The following CIP2A variants were observed in gnomAD, a reference collection of about 807,000 sequenced individuals.
CIP2A encodes cellular inhibitor of PP2A.
CIP2A carries 103 observed loss-of-function variants against 110.9 expected under a neutral mutation model. That is an observed-to-expected ratio of 0.93 (90% CI 0.79 to 1.09). The LOEUF (loss-of-function observed/expected upper bound fraction) is 1.09. Ranked by LOEUF, CIP2A falls within the 50% of genes least tolerant of loss-of-function variation. The pLI, the probability that CIP2A is intolerant of heterozygous loss-of-function variation, is 0.00. For missense variants in CIP2A, 1,088 were observed against 1,038.4 expected (o/e 1.05, Z -0.66); for synonymous variants, 381 against 361.6 (o/e 1.05, Z -0.61).
intron 5 of CIP2A, 100 bp downstream of exon 5, chr3:108,581,315 C>A: frequency 1.2e-6 from 1 of 807,736 alleles, no homozygotes; most frequent in South Asian, 1.8e-5. Context: ...ACACAGAATC[C>A]TTGTTCAAAT....
intron 5 of CIP2A, 100 bp from the exon 6 acceptor site, chr3:108,579,788 T>A: frequency 3.6e-6 from 2 of 560,626 alleles, no homozygotes; most frequent in South Asian, 4.7e-5. Context: ...TTATTAAACA[T>A]CATTATCAAC....
At chr3:108,560,437 T>G (rs984659200) in intron 14 of CIP2A, among the ~76,000 whole-genome samples, 6 of 152,204 alleles carry the variant, frequency 3.9e-5, no homozygotes, top group African/African-American at 1.4e-4. Flanking sequence ...CCTCCCAAAA[T>G]GCTGGGATTA....
At chr3:108,554,347 T>A in intron 18 of CIP2A, 29 bp downstream of exon 18, 1 of 892,322 alleles carries the variant, frequency 1.1e-6, no homozygotes, top group Non-Finnish European at 1.8e-6. Flanking sequence ...AAATCCCACA[T>A]ATTCAGAATA....
chr3:108,562,152 A>G (rs899716382), intron 13 of CIP2A, among the ~76,000 whole-genome samples: 3 of 152,186 alleles, frequency 2.0e-5, no homozygotes, highest in Non-Finnish European at 4.4e-5. Flanking sequence ...TTTAACTCTT[A>G]AGGTATGATG....
intron 17 of CIP2A, among the ~76,000 whole-genome samples, chr3:108,554,959 T>G (rs1937735841): frequency 6.6e-6 from 1 of 152,122 alleles, no homozygotes; most frequent in South Asian, 2.1e-4. Context: ...AGCACAAAGA[T>G]TTTTAAAAAG....
At chr3:108,579,015 C>T (rs1938772812) in intron 7 of CIP2A, among the ~76,000 whole-genome samples, 1 of 151,668 alleles carries the variant, frequency 6.6e-6, no homozygotes. Flanking sequence ...ATAAATTAGC[C>T]AAGATGTCTA....
In CIP2A at chr3:108,557,357, C is replaced by CA; in HGVS notation, c.2070dup (p.Val691CysfsTer9). The CA allele has an allele frequency of 6.2e-7, 1 of 1,610,966 alleles. No individual in the cohort carries two copies. The highest frequency in any genetic ancestry group is 8.5e-7 in the Non-Finnish European group (1 of 1,177,998). ...TCAACTTGCTGCGCCTTCAGCAACACACTAAGCTCTTCATTTTTTCTCTCA... is the reference window on the plus strand; with the variant it reads ...TCAACTTGCTGCGCCTTCAGCAACACAACTAAGCTCTTCATTTTTTCTCTCA... On this transcript the variant is annotated frameshift_variant, in exon 17 of 21. Transcript: ENST00000295746. LOFTEE classifies it high-confidence loss of function.
At chr3:108,576,451 A>C (rs1938655180) in intron 7 of CIP2A, 105 bp from the exon 8 acceptor site, 2 of 598,794 alleles carry the variant, frequency 3.3e-6, no homozygotes, top group Non-Finnish European at 5.5e-6. Flanking sequence ...ATTTTCTTTC[A>C]TCTATTTATT....
intron 8 of CIP2A, among the ~76,000 whole-genome samples, chr3:108,574,202 G>C (rs552098613): frequency 5.9e-4 from 90 of 152,050 alleles, no homozygotes; most frequent in African/African-American, 2.1e-3. Context: ...ATGAGCAAGA[G>C]ACATAAACAG....
intron 4 of CIP2A, 138 bp from the exon 5 acceptor site, chr3:108,581,649 A>C: frequency 1.7e-6 from 1 of 597,466 alleles, no homozygotes; most frequent in Non-Finnish European, 2.9e-6. Flanking sequence ...AAAACTAATT[A>C]ACATAAGAAG....
At chr3:108,581,311 A>G in intron 5 of CIP2A, 104 bp downstream of exon 5, 1 of 785,424 alleles carries the variant, frequency 1.3e-6, no homozygotes, top group Non-Finnish European at 2.1e-6. Context: ...TAAGACACAG[A>G]ATCCTTGTTC....
At chr3:108,562,821 C>A (rs866341105) in intron 13 of CIP2A, among the ~76,000 whole-genome samples, 10 of 152,012 alleles carry the variant, frequency 6.6e-5, no homozygotes, top group Admixed American at 2.0e-4. Flanking sequence ...TATGGAGGAA[C>A]TAAACTGGGA....
intron 1 of CIP2A, among the ~76,000 whole-genome samples, chr3:108,588,035 C>T (rs1179364902): frequency 6.6e-6 from 1 of 152,178 alleles, no homozygotes; most frequent in African/African-American, 2.4e-5. Flanking sequence ...GCCTCGGCCT[C>T]CCAAAGTGCT....
At chr3:108,579,506 C>A in intron 6 of CIP2A, 60 bp downstream of exon 6, 1 of 1,557,584 alleles carries the variant, frequency 6.4e-7, no homozygotes, top group South Asian at 1.2e-5. Flanking sequence ...AAAAAAGTCT[C>A]AATGACTTTT....
intron 4 of CIP2A, 27 bp downstream of exon 4, chr3:108,582,081 T>A (rs376417710): frequency 1.6e-4 from 163 of 1,004,420 alleles, no homozygotes; most frequent in Non-Finnish European, 2.2e-4. Flanking sequence ...ATAAACTATT[T>A]GGTTTTATGT....
intron 19 of CIP2A, among the ~76,000 whole-genome samples, chr3:108,553,318 G>A (rs1196413733): frequency 1.3e-5 from 2 of 151,250 alleles, no homozygotes; most frequent in Admixed American, 6.6e-5. Context: ...TGTAGAGATG[G>A]GGTTTCACCA....
intron 1 of CIP2A, among the ~76,000 whole-genome samples, chr3:108,588,295 A>G (rs181884186): frequency 9.2e-5 from 14 of 152,358 alleles, no homozygotes; most frequent in Admixed American, 7.2e-4. Flanking sequence ...AAAGAATGAA[A>G]AAGAGAAAAC....
At chr3:108,584,968 T>C in intron 2 of CIP2A, 97 bp downstream of exon 2, 2 of 1,148,208 alleles carry the variant, frequency 1.7e-6, no homozygotes, top group Non-Finnish European at 1.2e-6. Context: ...TCTTTGAAGG[T>C]GAATCATTCT....
rs2083885347 is a variant in CIP2A, at chr3:108,550,654, T to C, written c.*495A>G. ...ATTTTAAATTCACTAATATTTTCTTTTGTGCTTCTTCAGAGACAAACTTCT... is the reference window on the plus strand; with the variant it reads ...ATTTTAAATTCACTAATATTTTCTTCTGTGCTTCTTCAGAGACAAACTTCT... On this transcript the variant is annotated 3_prime_UTR_variant, in exon 21 of 21. Coordinates refer to ENST00000295746, the MANE Select transcript of CIP2A (RefSeq NM_020890.3). The C allele has an allele frequency of 6.6e-6, 1 of 151,858 alleles. No homozygotes were observed. The highest frequency in any genetic ancestry group is 1.5e-5 in the Non-Finnish European group (1 of 67,842). 9.4% of individuals were successfully genotyped at this position (151,858 alleles called of 1,614,324 possible).
Sources: gnomAD v4.1 joint callset for allele counts (sites outside exome capture counted in the v4.1 genomes callset) on GRCh38, gnomAD v4.1.1 for gene constraint, MANE v1.5 for transcripts, NCBI Gene and HGNC (gene_info 2026-07-23, HGNC 2026-07-21) for gene names.